Variants in C1QTNF7 observed in about 807,000 individuals in gnomAD.
C1QTNF7 encodes the protein C1q and TNF related 7.
In C1QTNF7, 15 loss-of-function variants were observed where a neutral mutation model predicts 19.6. The observed-to-expected ratio is 0.76, with a 90% CI of 0.51 to 1.18. The LOEUF is 1.18. Ranked by LOEUF, C1QTNF7 falls within the 50% of genes most tolerant of loss-of-function variation. The pLI is 0.00. For synonymous variants in C1QTNF7, 142 were observed against 137.5 expected, an observed-to-expected ratio of 1.03 and a Z score of -0.23; for missense variants, 324 against 359.7, an observed-to-expected ratio of 0.90 and a Z score of 0.80.
intron 1 of C1QTNF7, among the ~76,000 whole-genome samples, chr4:15,360,513 A>G (rs1717301680): frequency 6.6e-6 from 1 of 152,118 alleles, no homozygotes; most frequent in African/African-American, 2.4e-5. Flanking sequence ...TAACACATGT[A>G]TTTTCTTCAT....
At chr4:15,370,696 A>G (rs1717689345) in intron 1 of C1QTNF7, among the ~76,000 whole-genome samples, 1 of 152,244 alleles carries the variant, frequency 6.6e-6, no homozygotes, top group Non-Finnish European at 1.5e-5. Flanking sequence ...AGAAATTTAT[A>G]AATAGTTCCA....
intron 1 of C1QTNF7, among the ~76,000 whole-genome samples, chr4:15,413,792 T>C (rs1256622053): frequency 6.6e-6 from 1 of 152,160 alleles, no homozygotes; most frequent in Admixed American, 6.5e-5. Context: ...GACTGACTGA[T>C]TGCATTTCTC....
intron 1 of C1QTNF7, among the ~76,000 whole-genome samples, chr4:15,434,083 G>C (rs1712433173): frequency 6.6e-6 from 1 of 151,816 alleles, no homozygotes; most frequent in Admixed American, 6.6e-5. Flanking sequence ...TTGAGCAATA[G>C]AATCAATAAT....
At chr4:15,352,642 C>T (rs1577229489) in intron 1 of C1QTNF7, among the ~76,000 whole-genome samples, 1 of 152,136 alleles carries the variant, frequency 6.6e-6, no homozygotes, top group African/African-American at 2.4e-5. Flanking sequence ...ATGGGCAAAA[C>T]AAGGCATAAC....
chr4:15,340,975 G>T (rs78411564), intron 1 of C1QTNF7, among the ~76,000 whole-genome samples: 1 of 152,178 alleles, frequency 6.6e-6, no homozygotes, highest in East Asian at 1.9e-4. Flanking sequence ...AGGTGGAGGG[G>T]CATATAAATA....
Position 15,379,273 on chromosome 4 carries a change from A to G in C1QTNF7, c.13+39066A>G, listed in dbSNP as rs1217500242. On this transcript the variant is annotated intron_variant, in intron 1 of 2. Coordinates refer to the C1QTNF7 transcript ENST00000295297. ...TAATTTGCCTGTAGTGAAGAAAGTTATGGAGCAATTCATGATGCTTCTTGG... is the reference window on the plus strand; with the variant it reads ...TAATTTGCCTGTAGTGAAGAAAGTTGTGGAGCAATTCATGATGCTTCTTGG... Among the ~76,000 whole-genome samples the G allele has an allele frequency of 2.6e-5, 4 of 152,344 alleles. No homozygotes were observed. The East Asian group carries it at 5.8e-4, about 22-fold the overall frequency.
chr4:15,418,177 C>A (rs1049933970), intron 1 of C1QTNF7, among the ~76,000 whole-genome samples: 3 of 152,132 alleles, frequency 2.0e-5, no homozygotes, highest in Admixed American at 2.0e-4. Context: ...CAGTGATCAG[C>A]CATGATCATC....
chr4:15,415,424 A>C (rs559594694), intron 1 of C1QTNF7, among the ~76,000 whole-genome samples: 1 of 152,320 alleles, frequency 6.6e-6, no homozygotes, highest in East Asian at 1.9e-4. Context: ...GAGTAGAGCA[A>C]GTTTGTTTTG....
intron 1 of C1QTNF7, among the ~76,000 whole-genome samples, chr4:15,352,537 A>G (rs1716976085): frequency 6.6e-6 from 1 of 152,224 alleles, no homozygotes; most frequent in Admixed American, 6.5e-5. Flanking sequence ...TCTGAATAAA[A>G]TGAATGAAAA....
chr4:15,340,326 A>T, intron 1 of C1QTNF7: 1 of 1,237,542 alleles, frequency 8.1e-7, no homozygotes, highest in Non-Finnish European at 1.1e-6. Flanking sequence ...ACTTGTAAAA[A>T]TATGTCAACA....
chr4:15,413,265 T>C lies in C1QTNF7; in HGVS notation c.14-22471T>C, dbSNP rs991627574. 3.3e-5 allele frequency among the ~76,000 whole-genome samples: 5 copies of C among 152,356 alleles called. No homozygotes were observed. The East Asian group carries it at 7.7e-4, about 23-fold the overall frequency. ...CGTGGTTACCTATCTATGTTTTTAT[T>C]GTCATCTCTTCAGAAGGTAAGGACC... is the stretch of plus-strand genomic sequence containing the variant. On this transcript the variant is annotated intron_variant, in intron 1 of 2. Transcript: ENST00000295297.
intron 1 of C1QTNF7, chr4:15,362,413 C>T (rs1275277579): frequency 6.6e-6 from 1 of 152,166 alleles, no homozygotes; most frequent in African/African-American, 2.4e-5. Context: ...ACTTTTCCTA[C>T]CTAAGTCAGC....
At chr4:15,419,760 T>C (rs1277773326) in intron 1 of C1QTNF7, among the ~76,000 whole-genome samples, 5 of 152,110 alleles carry the variant, frequency 3.3e-5, no homozygotes, top group Non-Finnish European at 7.4e-5. Context: ...AAAGTGTATA[T>C]ACTATGAATA....
At chr4:15,355,295 C>T (rs1717094619) in intron 1 of C1QTNF7, among the ~76,000 whole-genome samples, 1 of 152,132 alleles carries the variant, frequency 6.6e-6, no homozygotes, top group Admixed American at 6.5e-5. Context: ...ATGTGACTCA[C>T]ACGAAGAGAG....
rs548229508 is a variant in C1QTNF7, at chr4:15,370,093, AT to A, written c.13+29894del. Among the ~76,000 whole-genome samples, 49 of 152,054 alleles carry A rather than the reference AT, an allele frequency of 3.2e-4. 1 individual carries two copies. The highest frequency in any genetic ancestry group is 3.2e-4 in the Non-Finnish European group (22 of 68,006). ...GCCTAATACTATTGTACTCATGTCG[AT>A]TTTTTTTAATTCTATGATTATTATA... On this transcript the variant is annotated intron_variant, in intron 1 of 2. Coordinates refer to the C1QTNF7 transcript ENST00000295297.
At chr4:15,346,245 G>A (rs1716714965) in intron 1 of C1QTNF7, among the ~76,000 whole-genome samples, 1 of 152,246 alleles carries the variant, frequency 6.6e-6, no homozygotes, top group Admixed American at 6.5e-5. Context: ...AGGGTCAGAG[G>A]GTTAGAAGAC....
chr4:15,430,248 G>A (rs1245158261), intron 1 of C1QTNF7, among the ~76,000 whole-genome samples: 1 of 152,122 alleles, frequency 6.6e-6, no homozygotes, highest in Non-Finnish European at 1.5e-5. Context: ...TAGGATGGAG[G>A]ATTATTTATA....
upstream of C1QTNF7, among the ~76,000 whole-genome samples, chr4:15,425,874 G>A (rs1024758): frequency 0.27 from 40,596 of 152,008 alleles, 6,284 homozygotes; most frequent in East Asian, 0.37. Flanking sequence ...GTGTGTAGTG[G>A]TGAGCAGAGC....
intron 1 of C1QTNF7, among the ~76,000 whole-genome samples, chr4:15,363,641 G>A (rs1454899843): frequency 6.6e-6 from 1 of 152,092 alleles, no homozygotes; most frequent in Non-Finnish European, 1.5e-5. Context: ...CAGGAAGGTG[G>A]GCATTTACCT....
Sources: gnomAD v4.1 joint callset for allele counts (sites outside exome capture counted in the v4.1 genomes callset) on GRCh38, gnomAD v4.1.1 for gene constraint, MANE v1.5 for transcripts, NCBI Gene and HGNC (gene_info 2026-07-23, HGNC 2026-07-21) for gene names.